SLC14A2: variants seen among roughly 807,000 people sequenced by gnomAD.
SLC14A2 encodes the protein solute carrier family 14 member 2, also known as urea transporter 2.
A neutral mutation model predicts 104.6 loss-of-function variants in SLC14A2; 91 were observed. The ratio of observed to expected loss-of-function variants is 0.87; its 90% CI spans 0.73 to 1.04. SLC14A2 has a LOEUF of 1.04. Among genes scored for constraint, SLC14A2 ranks in the 50% least tolerant of loss-of-function variants. The pLI is 0.00. For missense variants in SLC14A2, 1,189 were observed against 1,156.0 expected (o/e 1.03, Z -0.41); for synonymous variants, 476 against 466.4 (o/e 1.02, Z -0.27).
intron 1 of SLC14A2, among the ~76,000 whole-genome samples, chr18:45,619,118 T>C (rs151255350): frequency 1.4e-3 from 208 of 152,362 alleles, no homozygotes; most frequent in Middle Eastern, 3.4e-3. Context: ...TCTCCCATGC[T>C]GTAGCAGAGT....
At chr18:45,592,100 C>T (rs940772172) in intron 2 of SLC14A2, among the ~76,000 whole-genome samples, 1 of 152,212 alleles carries the variant, frequency 6.6e-6, no homozygotes, top group Non-Finnish European at 1.5e-5. Flanking sequence ...CATCAAATCC[C>T]TCCCTTCCAT....
intron 2 of SLC14A2, among the ~76,000 whole-genome samples, chr18:45,530,958 T>C (rs2144831505): frequency 6.6e-6 from 1 of 152,298 alleles, no homozygotes; most frequent in Admixed American, 6.5e-5. Context: ...TGTTTGGTTT[T>C]TTGTCCTTGC....
At chr18:45,587,841 A>G (rs1251878768) in intron 2 of SLC14A2, among the ~76,000 whole-genome samples, 1 of 152,112 alleles carries the variant, frequency 6.6e-6, no homozygotes, top group Non-Finnish European at 1.5e-5. Context: ...ATCGGTGTTG[A>G]AAAAAACGCA....
At chr18:45,334,305 C>T (rs559643858) in intron 1 of SLC14A2, among the ~76,000 whole-genome samples, 1 of 152,162 alleles carries the variant, frequency 6.6e-6, no homozygotes, top group East Asian at 1.9e-4. Context: ...ATTACAAACA[C>T]TTTAGACCCC....
intron 1 of SLC14A2, among the ~76,000 whole-genome samples, chr18:45,439,906 T>C (rs151141889): frequency 1.2e-4 from 19 of 152,274 alleles, no homozygotes; most frequent in South Asian, 6.2e-4. Flanking sequence ...GACTCTATGC[T>C]TTTTTTCTCA....
At chr18:45,551,229 AAAAG>A (rs1229276819) in intron 2 of SLC14A2, among the ~76,000 whole-genome samples, 1 of 152,212 alleles carries the variant, frequency 6.6e-6, no homozygotes, top group Non-Finnish European at 1.5e-5. Context: ...AATTTTAAAA[AAAAG>A]AACTCCAGAT....
intron 1 of SLC14A2, among the ~76,000 whole-genome samples, chr18:45,241,639 CTTTTTT>C (rs370878349): frequency 8.5e-6 from 1 of 118,042 alleles, no homozygotes. Flanking sequence ...TTTCTTTTCT[CTTTTTT>C]TTTTTTTTTT....
Position 45,678,970 on chromosome 18 carries a change from T to TC in SLC14A2, c.2513-4dup, listed in dbSNP as rs1555639761. The TC allele has an allele frequency of 1.4e-5, 22 of 1,600,214 alleles. No homozygotes were observed. Among genetic ancestry groups the TC allele is most frequent in the African/African-American group, 8.2e-5 (6 of 73,552 alleles). ...TATTTCTTTCTTTTTTTTTTTTTTT[T>TC]CTAGCACTGTTTGCTGCCTACCTGG... On this transcript the variant is annotated splice_region_variant and splice_polypyrimidine_tract_variant and intron_variant, in intron 18 of 19. Coordinates refer to ENST00000255226, the MANE Select transcript of SLC14A2 (RefSeq NM_007163.4).
chr18:45,237,797 C>T (rs933767199), intron 1 of SLC14A2, among the ~76,000 whole-genome samples: 3 of 152,200 alleles, frequency 2.0e-5, no homozygotes, highest in Non-Finnish European at 2.9e-5. Context: ...AGACCAGGGG[C>T]ACCTTAAGGT....
intron 2 of SLC14A2, chr18:45,515,416 C>T (rs2043425082): frequency 6.6e-6 from 1 of 152,172 alleles, no homozygotes; most frequent in Non-Finnish European, 1.5e-5. Flanking sequence ...TTTAATCTTT[C>T]TGAGCTTCCA....
At chr18:45,494,097 T>C (rs553862174) in intron 2 of SLC14A2, among the ~76,000 whole-genome samples, 22 of 152,356 alleles carry the variant, frequency 1.4e-4, no homozygotes, top group African/African-American at 4.8e-4. Flanking sequence ...TAGCGTTCTG[T>C]ACTTCTTTCT....
At chr18:45,588,065 AT>A (rs1403490010) in intron 2 of SLC14A2, among the ~76,000 whole-genome samples, 1 of 152,130 alleles carries the variant, frequency 6.6e-6, no homozygotes, top group African/African-American at 2.4e-5. Context: ...GAAAAGGGGA[AT>A]GCTGAGGTGA....
At chr18:45,236,267 ATG>A (rs1372264907) in intron 1 of SLC14A2, among the ~76,000 whole-genome samples, 2 of 49,272 alleles carry the variant, frequency 4.1e-5, no homozygotes, top group Admixed American at 3.1e-4. Context: ...GTATATATAC[ATG>A]TATGTGTGTA....
intron 1 of SLC14A2, among the ~76,000 whole-genome samples, chr18:45,330,523 C>A (rs1386706662): frequency 6.6e-6 from 1 of 151,776 alleles, no homozygotes; most frequent in Admixed American, 6.5e-5. Flanking sequence ...CATGCCCTAT[C>A]TTTGAGTGAT....
chr18:45,613,707 C>T (rs188227875), upstream of SLC14A2, among the ~76,000 whole-genome samples: 36 of 152,246 alleles, frequency 2.4e-4, no homozygotes, highest in East Asian at 6.2e-3. Context: ...TTGAGAGAGA[C>T]GATTTAGGAT....
At chr18:45,204,315 C>T in the SLC14A2 span, among the ~76,000 whole-genome samples, 1 of 152,192 alleles carries the variant, frequency 6.6e-6, no homozygotes, top group Non-Finnish European at 1.5e-5. Context: ...ACTCCAGCCA[C>T]TTAGGTGTAC....
At chr18:45,369,209 C>A (rs2144348572) in intron 1 of SLC14A2, among the ~76,000 whole-genome samples, 1 of 152,288 alleles carries the variant, frequency 6.6e-6, no homozygotes, top group Admixed American at 6.5e-5. Flanking sequence ...TTCCCTAGAG[C>A]AGAAAGATGA....
At chr18:45,644,660 A>T (rs1437486677) in intron 10 of SLC14A2, among the ~76,000 whole-genome samples, 3 of 152,154 alleles carry the variant, frequency 2.0e-5, no homozygotes, top group Admixed American at 2.0e-4. Flanking sequence ...CACTGATGGG[A>T]TTTTAAAGTC....
chr18:45,520,294 A>G (rs2043499735), intron 2 of SLC14A2, among the ~76,000 whole-genome samples: 1 of 152,170 alleles, frequency 6.6e-6, no homozygotes, highest in Admixed American at 6.5e-5. Flanking sequence ...AGCCTCAACT[A>G]AAATCTCAAA....
Sources: allele counts gnomAD v4.1 joint callset (sites outside exome capture counted in the v4.1 genomes callset), GRCh38; gene constraint gnomAD v4.1.1; transcripts MANE v1.5; gene names NCBI Gene and HGNC (gene_info 2026-07-23, HGNC 2026-07-21).